Variants in IGFBP2 observed in about 807,000 individuals in gnomAD.
The protein encoded by IGFBP2 is insulin like growth factor binding protein 2.
Under a neutral mutation model 26.2 loss-of-function variants are expected in IGFBP2, and 12 were observed. The observed-to-expected ratio is 0.46, with a 90% CI of 0.29 to 0.74. IGFBP2 has a LOEUF of 0.74. IGFBP2 is among the 30% of genes least tolerant of loss of function. The pLI is 0.09. For missense variants in IGFBP2, 328 were observed against 441.2 expected (o/e 0.74, Z 2.30); for synonymous variants, 189 against 200.6 (o/e 0.94, Z 0.49).
chr2:216,633,954 A>T lies in IGFBP2; in HGVS notation c.431A>T (p.Glu144Val). 1 of 1,601,072 alleles carries T rather than the reference A, an allele frequency of 6.2e-7. No homozygotes were observed. The highest frequency in any genetic ancestry group is 1.7e-5 in the Admixed American group (1 of 59,046). Residue 144 changes from glutamate (E) to valine (V), a missense_variant, in exon 1 of 4, where the codon GAG becomes GTG. By Grantham distance (121) the Glu-to-Val change is moderately radical. Coordinates refer to ENST00000233809, the MANE Select transcript of IGFBP2 (RefSeq NM_000597.3). ...RRDAEYGASP[E>V]QVADNGDDHS... ...GACGCCGAGTATGGCGCCAGCCCGG[A>T]GCAGGTTGCAGGTAACGCGGTCTGG...
rs1459056030 is a variant in IGFBP2 at position 216,659,629 on chromosome 2, G to C, written c.443-928G>C. On this transcript the variant is annotated intron_variant, in intron 1 of 3. Transcript: ENST00000233809. ...CTCAGCCAGAGTGAGACTGTGGCAG[G>C]CTGGAGCTGTTTTCAAGGCCTCCTT... 14 of 1,027,658 alleles carry C rather than the reference G, an allele frequency of 1.4e-5. No individual in the cohort carries two copies. In the East Asian group the frequency reaches 3.4e-4, roughly 25 times the overall value. 63.7% of individuals were successfully genotyped at this position (1,027,658 alleles called of 1,614,324 possible).
intron 1 of IGFBP2, among the ~76,000 whole-genome samples, chr2:216,655,070 CA>C (rs1380055409): frequency 6.6e-6 from 1 of 152,100 alleles, no homozygotes; most frequent in Non-Finnish European, 1.5e-5. Context: ...GTTTTTGAGA[CA>C]GGGGCTCACT....
At chr2:216,657,908 T>G (rs1280343326) in intron 1 of IGFBP2, among the ~76,000 whole-genome samples, 1 of 151,776 alleles carries the variant, frequency 6.6e-6, no homozygotes, top group Non-Finnish European at 1.5e-5. Context: ...ACATTTAAAT[T>G]TTTTTTTTCC....
intron 1 of IGFBP2, among the ~76,000 whole-genome samples, chr2:216,655,604 A>G (rs987929706): frequency 5.9e-5 from 9 of 152,178 alleles, no homozygotes; most frequent in African/African-American, 1.9e-4. Context: ...GCAGTGTGAA[A>G]ATGGACTAAT....
intron 1 of IGFBP2, among the ~76,000 whole-genome samples, chr2:216,646,973 A>G (rs1328257019): frequency 2.0e-5 from 3 of 152,238 alleles, no homozygotes; most frequent in Admixed American, 2.0e-4. Flanking sequence ...CAGTTGTCAT[A>G]CCACCTGTAA....
At chr2:216,659,825 G>A (rs1034145142) in intron 1 of IGFBP2, 1 of 1,136,262 alleles carries the variant, frequency 8.8e-7, no homozygotes, top group Non-Finnish European at 1.3e-6. Flanking sequence ...GGGGTGGGCT[G>A]CACAGACAGA....
chr2:216,637,064 G>A (rs1021346995), intron 1 of IGFBP2, among the ~76,000 whole-genome samples: 7 of 152,144 alleles, frequency 4.6e-5, no homozygotes, highest in Non-Finnish European at 7.3e-5. Context: ...AAAAAGCAAT[G>A]GGACTTCTGG....
chr2:216,659,631 T>C, intron 1 of IGFBP2: 1 of 1,045,370 alleles, frequency 9.6e-7, no homozygotes, highest in Non-Finnish European at 1.4e-6. Flanking sequence ...TGTGGCAGGC[T>C]GGAGCTGTTT....
intron 1 of IGFBP2, among the ~76,000 whole-genome samples, chr2:216,648,475 G>C (rs758148324): frequency 6.6e-6 from 1 of 152,214 alleles, no homozygotes; most frequent in African/African-American, 2.4e-5. Context: ...TGGCCAGTGA[G>C]AGTGGTGGTG....
chr2:216,659,531 G>A (rs775889964), intron 1 of IGFBP2: 24 of 603,418 alleles, frequency 4.0e-5, no homozygotes, highest in Non-Finnish European at 6.0e-5. Flanking sequence ...TCTGGAGCTT[G>A]CTGGGGCTTG....
intron 1 of IGFBP2, among the ~76,000 whole-genome samples, chr2:216,659,272 G>A (rs1016583947): frequency 2.8e-4 from 43 of 152,220 alleles, no homozygotes; most frequent in Admixed American, 2.7e-3. Flanking sequence ...CTTAGTTGGT[G>A]AGTGAGTGAA....
rs776738203 is a variant in IGFBP2, at chr2:216,661,989, C to T, written c.804C>T (p.Asn268=). Residue 268 remains asparagine, a synonymous_variant, in exon 3 of 4, where the codon AAC becomes AAT. Transcript: ENST00000233809. ...IPNCDKHGLY[N]LKQCKMSLNG... The stretch of plus-strand genomic sequence containing the variant: ...ACTGTGACAAGCATGGCCTGTACAA[C>T]CTCAAACAGGTGAGCATGGTGCCAG... 153 of 1,614,024 alleles carry T rather than the reference C, an allele frequency of 9.5e-5. No homozygotes were observed. Among genetic ancestry groups the T allele is most frequent in the Non-Finnish European group, 1.3e-4 (150 of 1,180,020 alleles).
intron 1 of IGFBP2, among the ~76,000 whole-genome samples, chr2:216,638,571 A>G (rs928839063): frequency 6.6e-6 from 1 of 152,178 alleles, no homozygotes; most frequent in South Asian, 2.1e-4. Flanking sequence ...GAGCATATCC[A>G]TTCACTCATT....
At chr2:216,642,290 G>A (rs369222098) in intron 1 of IGFBP2, among the ~76,000 whole-genome samples, 16 of 145,128 alleles carry the variant, frequency 1.1e-4, no homozygotes, top group African/African-American at 2.6e-4. Context: ...GAGCCACCCC[G>A]TCTGGCTAGG....
At chr2:216,662,062 T>C in intron 3 of IGFBP2, 64 bp downstream of exon 3, 1 of 1,564,046 alleles carries the variant, frequency 6.4e-7, no homozygotes, top group Non-Finnish European at 8.7e-7. Flanking sequence ...AGATGTGCCT[T>C]GTTTCTGCCC....
At chr2:216,655,625 G>A (rs1299319964) in intron 1 of IGFBP2, among the ~76,000 whole-genome samples, 2 of 152,180 alleles carry the variant, frequency 1.3e-5, no homozygotes, top group Non-Finnish European at 2.9e-5. Flanking sequence ...ACAGTCAGGC[G>A]TGGTGGCTCA....
intron 1 of IGFBP2, among the ~76,000 whole-genome samples, chr2:216,643,140 G>C (rs904981807): frequency 6.6e-6 from 1 of 152,146 alleles, no homozygotes; most frequent in African/African-American, 2.4e-5. Flanking sequence ...TCTGAACCTG[G>C]GATGCCAGAA....
chr2:216,643,860 G>A (rs1332126587), intron 1 of IGFBP2, among the ~76,000 whole-genome samples: 1 of 152,094 alleles, frequency 6.6e-6, no homozygotes, highest in Non-Finnish European at 1.5e-5. Flanking sequence ...GAAATGTGTT[G>A]GTTTTCAGTT....
chr2:216,635,120 A>T (rs1697470284), intron 1 of IGFBP2, among the ~76,000 whole-genome samples: 1 of 151,368 alleles, frequency 6.6e-6, no homozygotes, highest in African/African-American at 2.4e-5. Context: ...CCATGCACCA[A>T]CCCGCCTCCC....
Sources: allele counts gnomAD v4.1 joint callset (sites outside exome capture counted in the v4.1 genomes callset), GRCh38; gene constraint gnomAD v4.1.1; transcripts MANE v1.5; gene names NCBI Gene and HGNC (gene_info 2026-07-23, HGNC 2026-07-21).